The following ADGRD1 variants were observed in gnomAD, a reference collection of about 807,000 sequenced individuals.
ADGRD1 encodes adhesion G protein-coupled receptor D1.
A neutral mutation model predicts 113.4 loss-of-function variants in ADGRD1; 77 were observed. The ratio of observed to expected loss-of-function variants is 0.68; its 90% CI spans 0.57 to 0.82. ADGRD1 has a LOEUF of 0.82. Ranked by LOEUF, ADGRD1 falls within the 40% of genes least tolerant of loss-of-function variation. The pLI is 0.00. For missense variants in ADGRD1, 1,036 were observed against 1,139.1 expected, an observed-to-expected ratio of 0.91 and a Z score of 1.30; for synonymous variants, 474 against 475.0, an observed-to-expected ratio of 1.00 and a Z score of 0.03.
intron 13 of ADGRD1, among the ~76,000 whole-genome samples, chr12:131,045,521 G>T (rs879836732): frequency 8.0e-6 from 1 of 124,926 alleles, no homozygotes; most frequent in African/African-American, 2.8e-5. Context: ...CCCCACCCCC[G>T]CCTCCCTGCC....
intron 4 of ADGRD1, chr12:130,978,373 C>T (rs182925109): frequency 1.4e-4 from 21 of 152,012 alleles, no homozygotes; most frequent in Admixed American, 1.1e-3. Context: ...AAGATCTTTC[C>T]TCATTTTATT....
At chr12:130,994,151 G>T (rs199580786) in intron 8 of ADGRD1, 1 of 361,672 alleles carries the variant, frequency 2.8e-6, no homozygotes, top group Non-Finnish European at 5.8e-6. Flanking sequence ...TCCGGGCTCC[G>T]AAGGGAAGGA....
chr12:130,989,079 G>C (rs1452138301), intron 6 of ADGRD1: 1 of 152,166 alleles, frequency 6.6e-6, no homozygotes, highest in African/African-American at 2.4e-5. Flanking sequence ...ACATCTTCCA[G>C]CTTCCACCCA....
At chr12:131,031,644 TG>T (rs570527834) in intron 13 of ADGRD1, among the ~76,000 whole-genome samples, 284 of 151,942 alleles carry the variant, frequency 1.9e-3, no homozygotes, top group Non-Finnish European at 3.5e-3. Flanking sequence ...GCAGGAGTTC[TG>T]GGGCCCCTCT....
At chr12:130,991,172 T>C (rs955518701) in intron 7 of ADGRD1, 94 bp downstream of exon 7, 10 of 959,350 alleles carry the variant, frequency 1.0e-5, no homozygotes, top group Admixed American at 1.8e-5. Flanking sequence ...GTGTCTGGGC[T>C]CTCTGTTATC....
chr12:131,137,073 G>A (rs1018162918), intron 23 of ADGRD1, 59 bp downstream of exon 23: 22 of 1,369,738 alleles, frequency 1.6e-5, no homozygotes, highest in Middle Eastern at 3.6e-4. Flanking sequence ...TTTCCGAAAG[G>A]TCACAGGAGC....
At chr12:131,077,072 G>A (rs566611585) in intron 14 of ADGRD1, among the ~76,000 whole-genome samples, 198 bp downstream of exon 14, 8 of 152,332 alleles carry the variant, frequency 5.3e-5, no homozygotes, top group African/African-American at 1.7e-4. Context: ...CAGACCATGC[G>A]AGGAGGGGCC....
rs1405242719 is a variant in ADGRD1, at chr12:131,075,137, A to AT, written c.1474-1658dup. On this transcript the variant is annotated intron_variant, in intron 13 of 24. Coordinates refer to ENST00000261654, the MANE Select transcript of ADGRD1 (RefSeq NM_198827.5). The surrounding 1 kb of genome is among the most constrained non-coding windows in gnomAD (Gnocchi z 5.3). ...GCTGGCTTCCCCAGGTCACCGACTT[A>AT]TTTTTTAAATTTCCTTTAAATTACT... 6.6e-6 allele frequency among the ~76,000 whole-genome samples: 1 copy of AT among 152,062 alleles called. No individual in the cohort carries two copies. Among genetic ancestry groups the AT allele is most frequent in the Non-Finnish European group, 1.5e-5 (1 of 68,012 alleles).
intron 18 of ADGRD1, among the ~76,000 whole-genome samples, chr12:131,112,070 T>G (rs534120402): frequency 6.6e-6 from 1 of 152,330 alleles, no homozygotes; most frequent in South Asian, 2.1e-4. Flanking sequence ...CCCTTGATTC[T>G]GATTCCCTCC....
intron 5 of ADGRD1, among the ~76,000 whole-genome samples, chr12:130,982,863 T>A (rs1328214784): frequency 1.3e-5 from 2 of 151,722 alleles, no homozygotes; most frequent in East Asian, 3.9e-4. Flanking sequence ...GGACTCAGGG[T>A]GGCATGGAGT....
intron 8 of ADGRD1, among the ~76,000 whole-genome samples, chr12:130,995,490 CAT>C (rs1401418335): frequency 1.3e-5 from 2 of 152,296 alleles, no homozygotes; most frequent in Admixed American, 1.3e-4. Flanking sequence ...GTTGCAAACT[CAT>C]GTGGCTTCAG....
In ADGRD1 at chr12:131,139,300, A is replaced by G; in HGVS notation, c.*37A>G. ...GCCAACCAGGCCAGGCTGCGCTCAG[A>G]ACACACCCCCCCAAACAGAATGAAA... On this transcript the variant is annotated 3_prime_UTR_variant, in exon 25 of 25. Transcript: ENST00000261654. The G allele has an allele frequency of 1.4e-6, 2 of 1,415,074 alleles. No individual in the cohort carries two copies. Among genetic ancestry groups the G allele is most frequent in the South Asian group, 2.4e-5 (2 of 84,656 alleles). 87.7% of individuals were successfully genotyped at this position (1,415,074 alleles called of 1,614,324 possible).
At chr12:131,071,884 G>A (rs1413274226) in intron 13 of ADGRD1, among the ~76,000 whole-genome samples, 12 of 150,920 alleles carry the variant, frequency 8.0e-5, no homozygotes, top group East Asian at 1.9e-4. Flanking sequence ...CGGAGACATC[G>A]CAGCTGCTAA....
intron 18 of ADGRD1, among the ~76,000 whole-genome samples, chr12:131,110,076 A>G (rs1950317204): frequency 6.6e-6 from 1 of 152,124 alleles, no homozygotes; most frequent in South Asian, 2.1e-4. Context: ...TTTACTTTCC[A>G]CTTATTTGTA....
At chr12:130,992,491 AG>A in intron 8 of ADGRD1, 99 bp downstream of exon 8, 2 of 1,101,164 alleles carry the variant, frequency 1.8e-6, no homozygotes, top group Non-Finnish European at 2.6e-6. Context: ...TAAAAAAAGC[AG>A]GAACTTTTAC....
chr12:131,048,504 G>A (rs985043637), intron 13 of ADGRD1, among the ~76,000 whole-genome samples: 2 of 152,196 alleles, frequency 1.3e-5, no homozygotes, highest in East Asian at 1.9e-4. Flanking sequence ...TACGGGAAGC[G>A]CTGAGATGGG....
At chr12:130,960,733 GA>G (rs1270433463) in intron 2 of ADGRD1, among the ~76,000 whole-genome samples, 1 of 151,952 alleles carries the variant, frequency 6.6e-6, no homozygotes, top group African/African-American at 2.4e-5. Context: ...AATGTAAATA[GA>G]ACATTCAAGG....
In ADGRD1 at chr12:130,971,823, T is replaced by TA. The variant is rs774626304; in HGVS notation, c.310+245dup. On this transcript the variant is annotated intron_variant, in intron 4 of 24. Coordinates refer to ENST00000261654, the MANE Select transcript of ADGRD1 (RefSeq NM_198827.5). The surrounding 1 kb of genome is among the most constrained non-coding windows in gnomAD (Gnocchi z 4.2). ...TACAGAGATGTGAGATCAAAATACT[T>TA]AATCTTGTAAAGGATGAAAAAAAAC... 6.6e-6 allele frequency among the ~76,000 whole-genome samples: 1 copy of TA among 152,038 alleles called. No homozygotes were observed. Among genetic ancestry groups the TA allele is most frequent in the Non-Finnish European group, 1.5e-5 (1 of 68,022 alleles).
At chr12:131,122,179 G>A (rs1950613622) in intron 20 of ADGRD1, among the ~76,000 whole-genome samples, 1 of 152,118 alleles carries the variant, frequency 6.6e-6, no homozygotes, top group Admixed American at 6.5e-5. Context: ...TCCCTGGACT[G>A]AGGGGCGTCA....
Sources: allele counts gnomAD v4.1 joint callset (sites outside exome capture counted in the v4.1 genomes callset), GRCh38; gene constraint gnomAD v4.1.1; non-coding constraint Gnocchi (gnomAD v3.1); transcripts MANE v1.5; gene names NCBI Gene and HGNC (gene_info 2026-07-23, HGNC 2026-07-21).